The following EYS variants were observed in gnomAD, a reference collection of about 807,000 sequenced individuals.
EYS encodes protein eyes shut homolog.
EYS carries 250 observed loss-of-function variants against 282.1 expected under a neutral mutation model. The observed-to-expected ratio is 0.89, with a 90% CI of 0.80 to 0.98. The LOEUF (loss-of-function observed/expected upper bound fraction) is 0.98, where lower values mean the gene tolerates loss of function less well. Among genes scored for constraint, EYS ranks in the 50% least tolerant of loss-of-function variants. The probability of loss-of-function intolerance (pLI) is 0.00; values close to 1 mark genes in which losing one functional copy is unlikely to be tolerated. For missense variants in EYS, 4,016 were observed against 3,709.0 expected (o/e 1.08, Z -2.15); for synonymous variants, 1,355 against 1,282.9 (o/e 1.06, Z -1.20).
intron 30 of EYS, among the ~76,000 whole-genome samples, chr6:64,253,975 C>T (rs1398026651): frequency 1.3e-5 from 2 of 152,058 alleles, no homozygotes; most frequent in African/African-American, 4.8e-5. Context: ...TGCACTTTAA[C>T]CCCCAACTTC....
chr6:64,429,237 A>G (rs2150458297), intron 28 of EYS, among the ~76,000 whole-genome samples: 1 of 152,310 alleles, frequency 6.6e-6, no homozygotes, highest in Admixed American at 6.5e-5. Flanking sequence ...TTCAAGTAAA[A>G]TGATGGGAAA....
At chr6:65,513,852 C>G (rs570019964) in intron 2 of EYS, among the ~76,000 whole-genome samples, 2 of 152,302 alleles carry the variant, frequency 1.3e-5, no homozygotes, top group East Asian at 3.9e-4. Context: ...TGGGCAGAAC[C>G]TGGAAGCATT....
chr6:65,498,465 A>C (rs1582380922), intron 2 of EYS, among the ~76,000 whole-genome samples: 1 of 152,010 alleles, frequency 6.6e-6, no homozygotes, highest in East Asian at 1.9e-4. Context: ...ATTTGCATTG[A>C]AGCAAAATTA....
intron 33 of EYS, among the ~76,000 whole-genome samples, chr6:64,039,639 G>A (rs1770289572): frequency 6.6e-6 from 1 of 152,018 alleles, no homozygotes; most frequent in Admixed American, 6.6e-5. Flanking sequence ...TTATTTAAAT[G>A]GGAATATAAG....
At chr6:64,874,589 A>C (rs1356965200) in intron 19 of EYS, among the ~76,000 whole-genome samples, 16 of 152,086 alleles carry the variant, frequency 1.1e-4, no homozygotes, top group Admixed American at 7.2e-4. Context: ...AGATGATTTT[A>C]GGAAGTAAAA....
At chr6:64,954,715 T>C (rs1769630741) in intron 14 of EYS, among the ~76,000 whole-genome samples, 1 of 152,126 alleles carries the variant, frequency 6.6e-6, no homozygotes, top group South Asian at 2.1e-4. Context: ...CAGAGCAAGA[T>C]GGTGGAATAG....
At chr6:64,078,768 G>A (rs1185621451) in intron 32 of EYS, among the ~76,000 whole-genome samples, 1 of 151,998 alleles carries the variant, frequency 6.6e-6, no homozygotes, top group Non-Finnish European at 1.5e-5. Context: ...AATAAGGAAG[G>A]CAGAAATGAT....
rs141555796 is a variant in EYS, at chr6:65,604,725, G to T, written c.-333+35053C>A. Among the ~76,000 whole-genome samples, 500 of 151,948 alleles carry T rather than the reference G, an allele frequency of 3.3e-3. 3 individuals are homozygous for T. The highest frequency in any genetic ancestry group is 5.3e-3 in the Non-Finnish European group (361 of 67,920). On this transcript the variant is annotated intron_variant, in intron 2 of 42. Coordinates refer to ENST00000503581, the MANE Select transcript of EYS (RefSeq NM_001142800.2). ...CAAAAATAAGGTAGAATAATGTATG[G>T]ATAGGATGAAGGAAATATGGATTGT...
At chr6:65,639,748 C>T (rs1767215180) in intron 2 of EYS, 30 bp downstream of exon 2, 1 of 152,056 alleles carries the variant, frequency 6.6e-6, no homozygotes, top group African/African-American at 2.4e-5. Context: ...AACACAGAAC[C>T]TGTTTTTTCC....
At chr6:65,353,309 T>A in intron 9 of EYS, 149 bp downstream of exon 9, 1 of 671,996 alleles carries the variant, frequency 1.5e-6, no homozygotes, top group South Asian at 2.0e-5. Flanking sequence ...GTTAAAGGAA[T>A]ACATTAGAAA....
chr6:63,989,306 G>T (rs184374221), intron 34 of EYS, among the ~76,000 whole-genome samples: 74 of 151,730 alleles, frequency 4.9e-4, no homozygotes, highest in African/African-American at 1.7e-3. Flanking sequence ...TGGAATAAAG[G>T]TGGATAAGAA....
intron 2 of EYS, among the ~76,000 whole-genome samples, chr6:65,527,576 C>A (rs1410322792): frequency 1.3e-5 from 2 of 152,166 alleles, no homozygotes; most frequent in Admixed American, 6.5e-5. Context: ...CATGGTGGCA[C>A]AAAAGGTTAT....
Position 63,786,941 on chromosome 6 carries a change from A to G in EYS, c.7723+1164T>C, listed in dbSNP as rs535806136. On this transcript the variant is annotated intron_variant, in intron 39 of 42. Coordinates refer to ENST00000503581, the MANE Select transcript of EYS (RefSeq NM_001142800.2). ...GTTGTCCTGGTAAGTTGGTAACAAT[A>G]CGCCATGATTTATAATAAATAGTAA... is the stretch of plus-strand genomic sequence containing the variant. Among the ~76,000 whole-genome samples the G allele has an allele frequency of 2.0e-5, 3 of 152,282 alleles. No homozygotes were observed. The East Asian group carries it at 5.8e-4, about 29-fold the overall frequency.
At chr6:64,749,048 C>G (rs1437121941) in intron 22 of EYS, among the ~76,000 whole-genome samples, 1 of 152,246 alleles carries the variant, frequency 6.6e-6, no homozygotes, top group Admixed American at 6.5e-5. Context: ...GCTGGGATGA[C>G]AGGCGTGAGC....
chr6:64,111,112 A>G (rs1310989232), intron 31 of EYS, among the ~76,000 whole-genome samples: 1 of 151,974 alleles, frequency 6.6e-6, no homozygotes, highest in Non-Finnish European at 1.5e-5. Context: ...ATGAGAGTGA[A>G]CATTTCATAG....
intron 12 of EYS, among the ~76,000 whole-genome samples, chr6:65,260,901 A>T (rs1767602995): frequency 6.6e-6 from 1 of 152,024 alleles, no homozygotes; most frequent in Non-Finnish European, 1.5e-5. Flanking sequence ...AAGATGAATT[A>T]TTTGTTCTTT....
intron 30 of EYS, among the ~76,000 whole-genome samples, chr6:64,256,673 T>C (rs1228127190): frequency 6.6e-6 from 1 of 152,010 alleles, no homozygotes; most frequent in Non-Finnish European, 1.5e-5. Flanking sequence ...ATGATGCCTA[T>C]CTACAGAGGA....
rs55845555 is a variant in EYS, at chr6:65,171,427, T to C, written c.2024-113700A>G. Among the ~76,000 whole-genome samples, 411 of 151,682 alleles carry C rather than the reference T, an allele frequency of 2.7e-3. 4 individuals carry two copies. The highest frequency in any genetic ancestry group is 9.4e-3 in the African/African-American group (389 of 41,482). On this transcript the variant is annotated intron_variant, in intron 12 of 42. Transcript: ENST00000503581. Reference sequence around the variant, plus strand: ...AACCTTTACTTAACTTTTCAATGCTTACATTTCAACTTTTATGTCACAAAG... The same window carrying C: ...AACCTTTACTTAACTTTTCAATGCTCACATTTCAACTTTTATGTCACAAAG...
intron 41 of EYS, among the ~76,000 whole-genome samples, chr6:63,761,195 A>T (rs1185337765): frequency 6.6e-6 from 1 of 152,006 alleles, no homozygotes; most frequent in Non-Finnish European, 1.5e-5. Context: ...GGAGGAGAAG[A>T]TGAAAGCATT....
Sources: allele counts gnomAD v4.1 joint callset (sites outside exome capture counted in the v4.1 genomes callset), GRCh38; gene constraint gnomAD v4.1.1; transcripts MANE v1.5; gene names NCBI Gene and HGNC (gene_info 2026-07-23, HGNC 2026-07-21).